The following CISH variants were observed in gnomAD, a reference collection of about 807,000 sequenced individuals.
CISH encodes the protein cytokine-inducible SH2-containing protein.
In CISH, 11 loss-of-function variants were observed where a neutral mutation model predicts 21.3. That is an observed-to-expected ratio of 0.52 (90% CI 0.32 to 0.85). CISH has a LOEUF of 0.85. Ranked by LOEUF, CISH falls within the 40% of genes least tolerant of loss-of-function variation. The pLI, the probability that CISH is intolerant of heterozygous loss-of-function variation, is 0.03. For synonymous variants in CISH, 118 were observed against 142.3 expected (o/e 0.83, Z 1.22); for missense variants, 280 against 351.7 (o/e 0.80, Z 1.63).
Position 50,607,996 on chromosome 3 carries a change from G to T in CISH, c.388C>A (p.Arg130Ser), listed in dbSNP as rs761020637. 1 of 1,613,938 alleles carries T rather than the reference G, an allele frequency of 6.2e-7. No homozygotes were observed. The highest frequency in any genetic ancestry group is 1.7e-5 in the Admixed American group (1 of 60,010). Residue 130 changes from arginine to serine, a missense_variant, in exon 3 of 3, where the codon CGC becomes AGC. Coordinates refer to ENST00000348721, the MANE Select transcript of CISH (RefSeq NM_145071.4). ...VKTTRGPTNV[R>S]IEYADSSFRL... ...AAGCTGGAGTCGGCATACTCAATGCGTACATTGGTGGGGCCACGAGTGGTT... is the reference window on the plus strand; with the variant it reads ...AAGCTGGAGTCGGCATACTCAATGCTTACATTGGTGGGGCCACGAGTGGTT...
rs1467519199 is a variant in CISH at position 50,607,046 on chromosome 3, G to C, written c.*561C>G. On this transcript the variant is annotated 3_prime_UTR_variant, in exon 3 of 3. Coordinates refer to ENST00000348721, the MANE Select transcript of CISH (RefSeq NM_145071.4). The stretch of plus-strand genomic sequence containing the variant: ...CAGAGTTGGGGTCTCTGGACTACCA[G>C]GGCTCAGGGCATAGAGGTGGGGTTG... The C allele has an allele frequency of 1.3e-5, 2 of 153,590 alleles. No homozygotes were observed. The allele number at this position is 153,590 out of a possible 1,614,324, so 9.5% of individuals were successfully genotyped here. A position where few individuals can be genotyped will look rare whatever the true frequency, so the allele number is the denominator to read the frequency against.
In CISH at chr3:50,608,104, G is replaced by T; in HGVS notation, c.280C>A (p.Gln94Lys). The stretch of plus-strand genomic sequence containing the variant: ...CCTTCTGGCATCTTCTGCAGGTGTT[G>T]TCGGGCCTCGCTGGCCGTAATGGAA... ...WGSITASEAR[Q>K]HLQKMPEGTF... Residue 94 changes from glutamine to lysine, a missense_variant, in exon 3 of 3, where the codon CAA becomes AAA. Physicochemically the swap from Gln to Lys is moderately conservative, Grantham distance 53 (BLOSUM62 1). Coordinates refer to ENST00000348721, the MANE Select transcript of CISH (RefSeq NM_145071.4). The T allele has an allele frequency of 6.2e-7, 1 of 1,609,830 alleles. No homozygotes were observed. The highest frequency in any genetic ancestry group is 8.5e-7 in the Non-Finnish European group (1 of 1,177,144).
At chr3:50,610,312 T>C in intron 1 of CISH, 1 of 1,531,672 alleles carries the variant, frequency 6.5e-7, no homozygotes. Context: ...TTGGGGCTGA[T>C]GTGGTAGCTG....
intron 1 of CISH, chr3:50,610,586 G>A: frequency 6.7e-7 from 1 of 1,487,878 alleles, no homozygotes; most frequent in Non-Finnish European, 9.0e-7. Context: ...GAGGCTCCTG[G>A]GGTGGAAGGC....
rs922332083 is a variant in CISH at position 50,610,367 on chromosome 3, G to A, written c.20+1264C>T. ...TGATCACCACAAGCTCCTGGTGAGT[G>A]TGTACCTGGGCAGGGGTGTGTCCAT... On this transcript the variant is annotated intron_variant, in intron 1 of 2. Transcript: ENST00000348721. 4 of 1,551,342 alleles carry A rather than the reference G, an allele frequency of 2.6e-6. No individual in the cohort carries two copies. The African/African-American group carries it at 4.1e-5, about 16-fold the overall frequency.
intron 1 of CISH, chr3:50,610,900 G>A: frequency 2.0e-6 from 2 of 1,021,830 alleles, no homozygotes; most frequent in South Asian, 3.8e-5. Flanking sequence ...AGGACAGAGT[G>A]GATGGCCAGG....
At chr3:50,610,077 C>A in intron 1 of CISH, 2 of 440,806 alleles carry the variant, frequency 4.5e-6, no homozygotes, top group Non-Finnish European at 8.4e-6. Context: ...CACACCACAG[C>A]CTGACAAAAA....
In CISH at chr3:50,607,795, G is replaced by A. The variant is rs371586881; in HGVS notation, c.589C>T (p.Leu197=). 2 of 1,613,776 alleles carry A rather than the reference G, an allele frequency of 1.2e-6. No homozygotes were observed. Among genetic ancestry groups the A allele is most frequent in the East Asian group, 2.2e-5 (1 of 44,886 alleles). Reference sequence around the variant, plus strand: ...GCAGTGGCTGGTGGAGGAGCAGGCAGTGCTGGGTCACTAGGCGCATCCTCC... The same window carrying A: ...GCAGTGGCTGGTGGAGGAGCAGGCAATGCTGGGTCACTAGGCGCATCCTCC... ...PKEDAPSDPA[L]PAPPPATAVH... The change falls in exon 3 of 3, where the codon CTG becomes TTG. Residue 197 remains leucine, a synonymous_variant. Coordinates refer to ENST00000348721, the MANE Select transcript of CISH (RefSeq NM_145071.4).
intron 1 of CISH, 119 bp downstream of exon 1, chr3:50,611,512 C>T (rs939211986): frequency 1.7e-5 from 25 of 1,497,922 alleles, no homozygotes; most frequent in Admixed American, 4.6e-5. Flanking sequence ...TGAGGTCCGT[C>T]TGCGCTCAGT....
intron 1 of CISH, chr3:50,610,662 C>T: frequency 7.1e-7 from 1 of 1,412,876 alleles, no homozygotes; most frequent in South Asian, 1.5e-5. Flanking sequence ...CTGGAGACAG[C>T]AAGGGAGAAG....
At chr3:50,611,264 A>G (rs2032316430) in intron 1 of CISH, 2 of 1,144,982 alleles carry the variant, frequency 1.7e-6, no homozygotes, top group African/African-American at 1.6e-5. Context: ...GCAGGGCAGC[A>G]GGCAGGCTAG....
chr3:50,610,693 T>G (rs2032297908), intron 1 of CISH: 3 of 1,361,064 alleles, frequency 2.2e-6, no homozygotes, highest in Non-Finnish European at 2.8e-6. Flanking sequence ...AGCACCTCCA[T>G]GTCCTCTTCC....
At chr3:50,610,340 G>C in intron 1 of CISH, 1 of 1,550,406 alleles carries the variant, frequency 6.4e-7, no homozygotes, top group Admixed American at 2.0e-5. Flanking sequence ...GAATAGCTGT[G>C]TTGATCACCA....
chr3:50,607,174 C>T lies in CISH; in HGVS notation c.*433G>A, dbSNP rs186408718. 526 of 202,994 alleles carry T rather than the reference C, an allele frequency of 2.6e-3. No individual in the cohort carries two copies. Among genetic ancestry groups the T allele is most frequent in the Admixed American group, 4.6e-3 (88 of 19,158 alleles). The allele number at this position is 202,994 out of a possible 1,614,324, so 12.6% of individuals were successfully genotyped here. On this transcript the variant is annotated 3_prime_UTR_variant, in exon 3 of 3. Transcript: ENST00000348721. Reference sequence around the variant, plus strand: ...CCCCTCAACAAGGGGTCACTAGTCACTGTCGATCTCAGTTCCTCTGCATGT... The same window carrying T: ...CCCCTCAACAAGGGGTCACTAGTCATTGTCGATCTCAGTTCCTCTGCATGT...
In CISH at chr3:50,607,576, T is replaced by G. The variant is rs752183867; in HGVS notation, c.*31A>C. ...GCTGATGTCCCCTCCAGGGTGCGACTGGGTGAGGGTGGGCAGATTGCCCCG... is the reference window on the plus strand; with the variant it reads ...GCTGATGTCCCCTCCAGGGTGCGACGGGGTGAGGGTGGGCAGATTGCCCCG... On this transcript the variant is annotated 3_prime_UTR_variant, in exon 3 of 3. Coordinates refer to ENST00000348721, the MANE Select transcript of CISH (RefSeq NM_145071.4). 12 of 1,580,004 alleles carry G rather than the reference T, an allele frequency of 7.6e-6. No individual in the cohort carries two copies. The highest frequency in any genetic ancestry group is 9.5e-6 in the Non-Finnish European group (11 of 1,160,122).
In CISH at chr3:50,608,079, C is replaced by A. The variant is rs2032212276; in HGVS notation, c.305G>T (p.Gly102Val). ...CGTGCTGTCACGTACTAAGAACGTGCCTTCTGGCATCTTCTGCAGGTGTTG... is the reference window on the plus strand; with the variant it reads ...CGTGCTGTCACGTACTAAGAACGTGACTTCTGGCATCTTCTGCAGGTGTTG... ...ARQHLQKMPE[G>V]TFLVRDSTHP... Residue 102 changes from glycine to valine, a missense_variant, in exon 3 of 3, where the codon GGC (glycine) becomes GTC (valine). By Grantham distance (109) the Gly-to-Val change is moderately radical (BLOSUM62 -3). Transcript: ENST00000348721. 2 of 1,612,940 alleles carry A rather than the reference C, an allele frequency of 1.2e-6. No individual in the cohort carries two copies. The highest frequency in any genetic ancestry group is 1.7e-6 in the Non-Finnish European group (2 of 1,179,520).
Position 50,607,930 on chromosome 3 carries a change from C to T in CISH, c.454G>A (p.Ala152Thr). ...SNCLSRPRILAFPDVVSLVQH... is the reference protein window; with the variant it reads ...SNCLSRPRILTFPDVVSLVQH... ...ACAAGGCTGACCACATCCGGAAAGG[C>T]CAGGATGCGTGGCCTGGACAAGCAG... Residue 152 changes from alanine to threonine, a missense_variant, in exon 3 of 3, where the codon GCC becomes ACC. Ala to Thr is a moderately conservative substitution (Grantham distance 58). Coordinates refer to ENST00000348721, the MANE Select transcript of CISH (RefSeq NM_145071.4). 1 of 1,613,894 alleles carries T rather than the reference C, an allele frequency of 6.2e-7. No homozygotes were observed. The highest frequency in any genetic ancestry group is 8.5e-7 in the Non-Finnish European group (1 of 1,180,010).
In CISH at chr3:50,607,143, G is replaced by A. The variant is rs2032174402; in HGVS notation, c.*464C>T. 5.4e-6 allele frequency: 1 copy of A among 186,004 alleles called. No homozygotes were observed. Among genetic ancestry groups the A allele is most frequent in the South Asian group, 1.2e-4 (1 of 8,606 alleles). 11.5% of individuals were successfully genotyped at this position (186,004 alleles called of 1,614,324 possible). On this transcript the variant is annotated 3_prime_UTR_variant, in exon 3 of 3. Transcript: ENST00000348721. The stretch of plus-strand genomic sequence containing the variant: ...GTATAATTGTGCAGTCCCCTAGCCT[G>A]GCTTACCCCTCAACAAGGGGTCACT...
chr3:50,607,849 C>A lies in CISH; in HGVS notation c.535G>T (p.Ala179Ser), dbSNP rs753924515. Residue 179 changes from alanine to serine, a missense_variant, in exon 3 of 3, where the codon GCT (alanine) becomes TCT (serine). Transcript: ENST00000348721. ...ADTRSDSPDPAPTPALPMPKE... is the reference protein window; with the variant it reads ...ADTRSDSPDPSPTPALPMPKE... ...GGCATAGGCAGGGCCGGGGTGGGAG[C>A]AGGATCGGGGCTGTCGCTTCGGGTA... 23 of 1,613,684 alleles carry A rather than the reference C, an allele frequency of 1.4e-5. No individual in the cohort carries two copies. Among genetic ancestry groups the A allele is most frequent in the Non-Finnish European group, 1.9e-5 (22 of 1,180,006 alleles).
Sources: gnomAD v4.1 joint callset for allele counts on GRCh38, gnomAD v4.1.1 for gene constraint, MANE v1.5 for transcripts, NCBI Gene and HGNC (gene_info 2026-07-23, HGNC 2026-07-21) for gene names.